Variants in PSTPIP2 observed in about 807,000 individuals in gnomAD.
PSTPIP2 encodes proline-serine-threonine phosphatase-interacting protein 2.
Under a neutral mutation model 63.3 loss-of-function variants are expected in PSTPIP2, and 33 were observed. The observed-to-expected ratio is 0.52, with a 90% CI of 0.40 to 0.70. The LOEUF is 0.70. PSTPIP2 is among the 30% of genes least tolerant of loss of function. PSTPIP2 has a pLI of 0.00. For synonymous variants in PSTPIP2, 125 were observed against 132.7 expected (o/e 0.94, Z 0.40); for missense variants, 312 against 400.7 (o/e 0.78, Z 1.89).
Position 46,015,878 on chromosome 18 carries a change from A to G in PSTPIP2, c.247+25T>C, listed in dbSNP as rs2051847453. On this transcript the variant is annotated intron_variant, in intron 4 of 14. Coordinates refer to ENST00000409746, the MANE Select transcript of PSTPIP2 (RefSeq NM_024430.4). Reference sequence around the variant, plus strand: ...AGGGCTTGTCAAGGGCAGTGAATACATTTTTTAAAAAAAAAATCACTTACG... The same window carrying G: ...AGGGCTTGTCAAGGGCAGTGAATACGTTTTTTAAAAAAAAAATCACTTACG... 2.5e-6 allele frequency: 4 copies of G among 1,590,160 alleles called. No individual in the cohort carries two copies. The Admixed American group carries it at 6.8e-5, about 27-fold the overall frequency.
intron 2 of PSTPIP2, chr18:46,029,259 G>T (rs550101630): frequency 3.9e-6 from 5 of 1,292,738 alleles, no homozygotes; most frequent in South Asian, 3.6e-5. Context: ...TGTCTCCCCA[G>T]ATGGGTCCTT....
chr18:46,028,515 G>A (rs1415367092), intron 2 of PSTPIP2: 2 of 649,200 alleles, frequency 3.1e-6, no homozygotes, highest in East Asian at 4.0e-5. Context: ...GGACGACGAG[G>A]ACACGCTGCT....
At chr18:46,051,588 G>A (rs756217435) in intron 1 of PSTPIP2, among the ~76,000 whole-genome samples, 1 of 152,150 alleles carries the variant, frequency 6.6e-6, no homozygotes, top group East Asian at 1.9e-4. Flanking sequence ...AACATAGAAG[G>A]CATAAGAGTC....
At chr18:46,008,818 C>T (rs1054161490) in intron 5 of PSTPIP2, among the ~76,000 whole-genome samples, 1 of 152,076 alleles carries the variant, frequency 6.6e-6, no homozygotes, top group Non-Finnish European at 1.5e-5. Context: ...GGGAAGAAAC[C>T]TCATGACCCT....
At chr18:45,991,174 G>A (rs1254229076) in intron 12 of PSTPIP2, among the ~76,000 whole-genome samples, 3 of 152,176 alleles carry the variant, frequency 2.0e-5, no homozygotes, top group African/African-American at 7.2e-5. Flanking sequence ...CTTAAATACT[G>A]ATAATGATCA....
intron 8 of PSTPIP2, 73 bp downstream of exon 8, chr18:45,998,721 T>G: frequency 5.4e-6 from 8 of 1,476,266 alleles, no homozygotes; most frequent in Non-Finnish European, 7.5e-6. Context: ...AAACTCCCTT[T>G]CTCAGGGACA....
intron 1 of PSTPIP2, among the ~76,000 whole-genome samples, chr18:46,066,890 G>A (rs1317371878): frequency 6.6e-6 from 1 of 152,122 alleles, no homozygotes; most frequent in African/African-American, 2.4e-5. Flanking sequence ...AGCCGGGCGT[G>A]GTGGCGCATG....
intron 1 of PSTPIP2, among the ~76,000 whole-genome samples, chr18:46,071,584 G>A (rs1909394767): frequency 6.6e-6 from 1 of 152,122 alleles, no homozygotes; most frequent in Non-Finnish European, 1.5e-5. Flanking sequence ...CAAGGCTGTA[G>A]AACAGGGAAA....
intron 2 of PSTPIP2, among the ~76,000 whole-genome samples, chr18:46,030,645 T>G (rs1169744036): frequency 6.6e-6 from 1 of 152,250 alleles, no homozygotes; most frequent in African/African-American, 2.4e-5. Context: ...GATTTTAATT[T>G]GGATTCATTT....
intron 8 of PSTPIP2, 26 bp downstream of exon 8, chr18:45,998,768 C>A (rs757061247): frequency 6.2e-7 from 1 of 1,611,340 alleles, no homozygotes. Context: ...GCAACCCTCC[C>A]CCATCCGTAG....
intron 3 of PSTPIP2, among the ~76,000 whole-genome samples, chr18:46,023,669 T>G (rs1306883544): frequency 1.3e-5 from 2 of 152,046 alleles, no homozygotes; most frequent in African/African-American, 4.8e-5. Flanking sequence ...TATAATTTTA[T>G]AGGTGTTTTA....
At chr18:46,064,462 T>TTTTTA (rs1398703867) in intron 1 of PSTPIP2, among the ~76,000 whole-genome samples, 1 of 143,926 alleles carries the variant, frequency 6.9e-6, no homozygotes, top group African/African-American at 2.5e-5. Context: ...GGCTAATTTT[T>TTTTTA]TTTTTTTTTT....
rs147894867 is a variant in PSTPIP2 at position 46,016,749 on chromosome 18, T to C, written c.213-812A>G. On this transcript the variant is annotated intron_variant, in intron 3 of 14. Coordinates refer to ENST00000409746, the MANE Select transcript of PSTPIP2 (RefSeq NM_024430.4). The stretch of plus-strand genomic sequence containing the variant: ...AGCATCACAGGCTGCAATCAAGGTA[T>C]TGCCCATGCTGCATTCTCATCTGGT... 2.0e-3 allele frequency among the ~76,000 whole-genome samples: 298 copies of C among 152,328 alleles called. 1 individual carries two copies. The highest frequency in any genetic ancestry group is 6.7e-3 in the African/African-American group (277 of 41,584).
chr18:46,029,423 T>A, intron 2 of PSTPIP2: 1 of 1,452,032 alleles, frequency 6.9e-7, no homozygotes, highest in Non-Finnish European at 9.7e-7. Flanking sequence ...TGGAGAAGTT[T>A]ATGTTTGGGA....
intron 9 of PSTPIP2, among the ~76,000 whole-genome samples, chr18:45,997,211 C>T (rs1378395354): frequency 2.6e-5 from 4 of 152,172 alleles, no homozygotes; most frequent in East Asian, 3.9e-4. Flanking sequence ...TTCTTGGAGA[C>T]GGAGTCTTGT....
intron 5 of PSTPIP2, among the ~76,000 whole-genome samples, chr18:46,007,596 G>C (rs2051742358): frequency 6.6e-6 from 1 of 152,176 alleles, no homozygotes; most frequent in African/African-American, 2.4e-5. Flanking sequence ...TAGCAACGTT[G>C]GTCTATTCCA....
At chr18:46,029,010 C>A in intron 2 of PSTPIP2, 1 of 841,714 alleles carries the variant, frequency 1.2e-6, no homozygotes, top group South Asian at 1.3e-5. Context: ...TTGTGATGGT[C>A]GCTGGATTAG....
At chr18:46,010,433 T>G (rs552339036) in intron 5 of PSTPIP2, among the ~76,000 whole-genome samples, 1 of 152,262 alleles carries the variant, frequency 6.6e-6, no homozygotes, top group East Asian at 1.9e-4. Flanking sequence ...GTTCCAGTCT[T>G]GAAAACCAGA....
intron 4 of PSTPIP2, 119 bp from the exon 5 acceptor site, chr18:46,011,406 C>T: frequency 1.3e-6 from 1 of 788,910 alleles, no homozygotes; most frequent in Non-Finnish European, 2.0e-6. Flanking sequence ...AAATCAACAT[C>T]ACTTCATTTG....
Sources: allele counts gnomAD v4.1 joint callset (sites outside exome capture counted in the v4.1 genomes callset), GRCh38; gene constraint gnomAD v4.1.1; transcripts MANE v1.5; gene names NCBI Gene and HGNC (gene_info 2026-07-23, HGNC 2026-07-21).